DPP10: variants seen among roughly 807,000 people sequenced by gnomAD.
The protein encoded by DPP10 is dipeptidyl peptidase like 10.
Under a neutral mutation model 120.9 loss-of-function variants are expected in DPP10, and 33 were observed. That is an observed-to-expected ratio of 0.27 (90% CI 0.21 to 0.37). DPP10 has a LOEUF of 0.37. Ranked by LOEUF, DPP10 falls within the 10% of genes least tolerant of loss-of-function variation. The probability of loss-of-function intolerance (pLI) is 1.00; values close to 1 mark genes in which losing one functional copy is unlikely to be tolerated. For synonymous variants in DPP10, 337 were observed against 326.1 expected (o/e 1.03, Z -0.36); for missense variants, 816 against 942.8 (o/e 0.87, Z 1.76).
At chr2:115,500,398 T>C (rs761271997) in intron 4 of DPP10, among the ~76,000 whole-genome samples, 3 of 151,876 alleles carry the variant, frequency 2.0e-5, no homozygotes, top group Non-Finnish European at 4.4e-5. Context: ...TCAGAAAACC[T>C]CCACAAAATA....
At chr2:115,813,560 G>T (rs537378716) in intron 19 of DPP10, among the ~76,000 whole-genome samples, 2 of 152,274 alleles carry the variant, frequency 1.3e-5, no homozygotes, top group South Asian at 4.1e-4. Flanking sequence ...GGGTGTTAGG[G>T]ATTCAACATA....
At position 115,385,835 on chromosome 2, in the gene DPP10, G is replaced by A. The variant is rs555885171; in HGVS notation, c.271+41923G>A. Among the ~76,000 whole-genome samples the A allele has an allele frequency of 6.0e-4, 91 of 152,266 alleles. 1 individual carries two copies. In the Middle Eastern group the frequency reaches 0.01, roughly 17 times the overall value. On this transcript the variant is annotated intron_variant, in intron 3 of 25. Transcript: ENST00000410059. ...TGTCTTTTGCTATAAGAGTATGACT[G>A]TGATTCTTATCATGGGTGAGGAAAG...
At chr2:114,650,351 T>C (rs1237555738) in intron 1 of DPP10, among the ~76,000 whole-genome samples, 1 of 152,186 alleles carries the variant, frequency 6.6e-6, no homozygotes, top group Non-Finnish European at 1.5e-5. Context: ...AACCCAGCAA[T>C]ATCCCTAATT....
chr2:115,077,716 C>T (rs985852938), intron 1 of DPP10, among the ~76,000 whole-genome samples: 1 of 152,354 alleles, frequency 6.6e-6, no homozygotes, highest in East Asian at 1.9e-4. Flanking sequence ...TCTGCCAAAA[C>T]ACGTGGGCCT....
chr2:114,784,975 T>C (rs1291476840), intron 1 of DPP10, among the ~76,000 whole-genome samples: 1 of 152,220 alleles, frequency 6.6e-6, no homozygotes, highest in Non-Finnish European at 1.5e-5. Flanking sequence ...TTTCAAGTCT[T>C]CCCCATTCTG....
chr2:114,458,490 A>G (rs570089667), intron 1 of DPP10, among the ~76,000 whole-genome samples: 58 of 152,230 alleles, frequency 3.8e-4, no homozygotes, highest in African/African-American at 1.4e-3. Flanking sequence ...AAATTTTGAC[A>G]TATGTATATT....
At chr2:114,973,633 G>C (rs112572254) in intron 1 of DPP10, among the ~76,000 whole-genome samples, 3 of 126,052 alleles carry the variant, frequency 2.4e-5, no homozygotes, top group African/African-American at 9.1e-5. Flanking sequence ...CTGCACTCCA[G>C]CCTGGGCAAC....
intron 3 of DPP10, among the ~76,000 whole-genome samples, chr2:115,403,580 A>C (rs2068279080): frequency 1.3e-5 from 2 of 151,684 alleles, no homozygotes. Context: ...TTGTATTTTC[A>C]GTAGAGATAG....
chr2:115,696,273 G>T (rs1299385851), intron 7 of DPP10, among the ~76,000 whole-genome samples: 1 of 152,054 alleles, frequency 6.6e-6, no homozygotes, highest in Non-Finnish European at 1.5e-5. Context: ...CAAATAGGAT[G>T]AACTCAGAGA....
At chr2:115,120,920 CT>C (rs2049789292) in intron 1 of DPP10, among the ~76,000 whole-genome samples, 1 of 152,022 alleles carries the variant, frequency 6.6e-6, no homozygotes, top group South Asian at 2.1e-4. Context: ...AGTAATTTTC[CT>C]TCTGTTAAGA....
intron 24 of DPP10, among the ~76,000 whole-genome samples, chr2:115,840,319 G>T (rs6705326): frequency 0.43 from 33,577 of 77,734 alleles, 14,147 homozygotes; most frequent in Admixed American, 0.53. Context: ...AGGTTTTTTG[G>T]TTTTTTTTTT....
chr2:115,533,376 C>A (rs1231664857), intron 5 of DPP10, among the ~76,000 whole-genome samples: 1 of 152,072 alleles, frequency 6.6e-6, no homozygotes, highest in Admixed American at 6.6e-5. Flanking sequence ...CGATGCTCTG[C>A]AAAAGATCAG....
intron 24 of DPP10, among the ~76,000 whole-genome samples, chr2:115,837,902 C>CT (rs1305854549): frequency 6.6e-6 from 1 of 151,018 alleles, no homozygotes; most frequent in East Asian, 1.9e-4. Context: ...GACATGATGT[C>CT]TAAATATAAT....
chr2:115,729,126 G>C (rs1470983015), intron 8 of DPP10, among the ~76,000 whole-genome samples: 3 of 152,148 alleles, frequency 2.0e-5, no homozygotes, highest in Non-Finnish European at 4.4e-5. Flanking sequence ...CACAGGTAAG[G>C]AGTGTTCATT....
intron 7 of DPP10, among the ~76,000 whole-genome samples, chr2:115,701,960 T>C (rs985966676): frequency 1.3e-5 from 2 of 152,070 alleles, no homozygotes; most frequent in Non-Finnish European, 2.9e-5. Flanking sequence ...CTTGATATAA[T>C]TCCATCGCAG....
rs572640499 is a variant in DPP10 at position 115,631,223 on chromosome 2, G to A, written c.442-58464G>A. 3.9e-5 allele frequency among the ~76,000 whole-genome samples: 6 copies of A among 152,082 alleles called. No homozygotes were observed. In the South Asian group the frequency reaches 8.3e-4, roughly 21 times the overall value. Reference sequence around the variant, plus strand: ...GTTTATTTGCATAGGGGTATTTATAGCATTCTCTGATGATTGTTTGTATTT... The same window carrying A: ...GTTTATTTGCATAGGGGTATTTATAACATTCTCTGATGATTGTTTGTATTT... On this transcript the variant is annotated intron_variant, in intron 5 of 25. Transcript: ENST00000410059.
intron 1 of DPP10, among the ~76,000 whole-genome samples, chr2:115,138,210 T>G (rs981695248): frequency 3.3e-5 from 5 of 152,212 alleles, no homozygotes; most frequent in African/African-American, 1.2e-4. Context: ...AGTGCCCTAT[T>G]GAACACATCA....
chr2:114,478,158 G>C (rs1218359152), intron 1 of DPP10, among the ~76,000 whole-genome samples: 1 of 151,858 alleles, frequency 6.6e-6, no homozygotes, highest in Non-Finnish European at 1.5e-5. Flanking sequence ...TACTTCTTAT[G>C]ACCTAAATTT....
intron 1 of DPP10, among the ~76,000 whole-genome samples, chr2:114,646,183 TA>T (rs1287937863): frequency 2.0e-5 from 3 of 150,266 alleles, no homozygotes; most frequent in Admixed American, 6.7e-5. Context: ...AATAAATAAA[TA>T]AATAAATAAA....
Sources: gnomAD v4.1 joint callset for allele counts (sites outside exome capture counted in the v4.1 genomes callset) on GRCh38, gnomAD v4.1.1 for gene constraint, MANE v1.5 for transcripts, NCBI Gene and HGNC (gene_info 2026-07-23, HGNC 2026-07-21) for gene names.